The following SLC9A9 variants were observed in gnomAD, a reference collection of about 807,000 sequenced individuals.
SLC9A9 encodes the protein solute carrier family 9 member A9.
Under a neutral mutation model 77.8 loss-of-function variants are expected in SLC9A9, and 62 were observed. That is an observed-to-expected ratio of 0.80 (90% confidence interval 0.65 to 0.98). The LOEUF (loss-of-function observed/expected upper bound fraction) is 0.98. SLC9A9 is among the 50% of genes least tolerant of loss of function. The pLI, the probability that SLC9A9 is intolerant of heterozygous loss-of-function variation, is 0.00. For missense variants in SLC9A9, 775 were observed against 774.9 expected, an observed-to-expected ratio of 1.00 and a Z score of 0.00; for synonymous variants, 320 against 283.5, an observed-to-expected ratio of 1.13 and a Z score of -1.29.
intron 5 of SLC9A9, among the ~76,000 whole-genome samples, chr3:143,675,667 CT>C (rs1424240416): frequency 6.6e-6 from 1 of 152,074 alleles, no homozygotes; most frequent in Non-Finnish European, 1.5e-5. Flanking sequence ...GAAGATTTTC[CT>C]TTAAGATTTT....
chr3:143,789,200 T>G (rs1232037234), intron 4 of SLC9A9, among the ~76,000 whole-genome samples: 1 of 152,182 alleles, frequency 6.6e-6, no homozygotes, highest in East Asian at 1.9e-4. Context: ...AATCATAGCA[T>G]GCATATCTCC....
chr3:143,778,435 C>T (rs966372503), intron 4 of SLC9A9, among the ~76,000 whole-genome samples: 5 of 152,142 alleles, frequency 3.3e-5, no homozygotes, highest in South Asian at 4.1e-4. Flanking sequence ...AAACAAATAT[C>T]GCACAGCAAT....
At chr3:143,815,963 G>A (rs904975465) in intron 2 of SLC9A9, among the ~76,000 whole-genome samples, 6 of 152,186 alleles carry the variant, frequency 3.9e-5, no homozygotes, top group African/African-American at 2.4e-5. Context: ...GGTCAAATTT[G>A]TTCAGAGGCA....
chr3:143,348,558 T>A (rs544775539), intron 14 of SLC9A9, among the ~76,000 whole-genome samples: 1 of 152,316 alleles, frequency 6.6e-6, no homozygotes, highest in East Asian at 1.9e-4. Flanking sequence ...GGGCTAGGCA[T>A]CTCTTTTTTT....
intron 14 of SLC9A9, among the ~76,000 whole-genome samples, chr3:143,319,179 T>C (rs2031327192): frequency 6.6e-6 from 1 of 152,200 alleles, no homozygotes; most frequent in East Asian, 1.9e-4. Flanking sequence ...ACCAGGTCCC[T>C]GGTACCTGAT....
intron 2 of SLC9A9, among the ~76,000 whole-genome samples, chr3:143,797,550 T>C (rs1318465327): frequency 6.6e-6 from 1 of 151,790 alleles, no homozygotes; most frequent in Non-Finnish European, 1.5e-5. Flanking sequence ...AAATGGCCGG[T>C]TCCTGCCTTA....
chr3:143,418,469 G>T (rs953067848), intron 12 of SLC9A9, among the ~76,000 whole-genome samples: 3 of 152,098 alleles, frequency 2.0e-5, no homozygotes, highest in African/African-American at 4.8e-5. Context: ...GCCTTTAAAA[G>T]AAATTACTTC....
intron 6 of SLC9A9, among the ~76,000 whole-genome samples, chr3:143,642,970 AT>A (rs2038647231): frequency 2.0e-5 from 3 of 151,532 alleles, no homozygotes. Context: ...TCTTTCTCAT[AT>A]TTTTGTAATT....
At chr3:143,421,197 G>A (rs2034291073) in intron 12 of SLC9A9, among the ~76,000 whole-genome samples, 1 of 152,078 alleles carries the variant, frequency 6.6e-6, no homozygotes, top group African/African-American at 2.4e-5. Flanking sequence ...AATGGCCAAA[G>A]CAATCTACAG....
chr3:143,847,907 C>G (rs1049447401), intron 1 of SLC9A9: 1 of 561,816 alleles, frequency 1.8e-6, no homozygotes, highest in Non-Finnish European at 3.2e-6. Context: ...CATCTGTCAA[C>G]AGACTTGCAT....
At chr3:143,394,631 G>C (rs1282963860) in intron 12 of SLC9A9, among the ~76,000 whole-genome samples, 1 of 152,144 alleles carries the variant, frequency 6.6e-6, no homozygotes, top group African/African-American at 2.4e-5. Flanking sequence ...GAAATAAAGG[G>C]TATTCAATTA....
chr3:143,574,267 T>G, intron 7 of SLC9A9, 74 bp from the exon 8 acceptor site: 3 of 1,192,008 alleles, frequency 2.5e-6, no homozygotes, highest in Non-Finnish European at 3.7e-6. Context: ...GAATAAAAAC[T>G]GATCTGGTGA....
At position 143,471,317 on chromosome 3, in the gene SLC9A9, T is replaced by C. The variant is rs77382059; in HGVS notation, c.1316-4127A>G. Among the ~76,000 whole-genome samples, 780 of 152,326 alleles carry C rather than the reference T, an allele frequency of 5.1e-3. 7 individuals carry two copies. The highest frequency in any genetic ancestry group is 0.017 in the African/African-American group (718 of 41,562). On this transcript the variant is annotated intron_variant, in intron 11 of 15. Transcript: ENST00000316549. The stretch of plus-strand genomic sequence containing the variant: ...AGTTGCTTATCATACATTTGGAGCC[T>C]AGATAAATGTGAAACCAATGCTTCA...
At position 143,464,272 on chromosome 3, in the gene SLC9A9, C is replaced by A. The variant is rs147193673; in HGVS notation, c.1469+2765G>T. Among the ~76,000 whole-genome samples, 24 of 152,222 alleles carry A rather than the reference C, an allele frequency of 1.6e-4. No individual in the cohort carries two copies. The East Asian group carries it at 4.4e-3, about 28-fold the overall frequency. On this transcript the variant is annotated intron_variant, in intron 12 of 15. Coordinates refer to ENST00000316549, the MANE Select transcript of SLC9A9 (RefSeq NM_173653.4). ...AACGAGATATAGCTCTGTAAACAAG[C>A]AAAGCCTTGCTAAATAGAGTCTAAA... is the stretch of plus-strand genomic sequence containing the variant.
chr3:143,779,146 T>C (rs1476819017), intron 4 of SLC9A9, among the ~76,000 whole-genome samples: 2 of 152,202 alleles, frequency 1.3e-5, no homozygotes, highest in African/African-American at 2.4e-5. Flanking sequence ...TATATTATAC[T>C]GTTATTATTT....
chr3:143,359,739 G>A (rs1008884850), intron 14 of SLC9A9, among the ~76,000 whole-genome samples: 1 of 152,182 alleles, frequency 6.6e-6, no homozygotes, highest in Non-Finnish European at 1.5e-5. Context: ...TGTCTGGTTT[G>A]TACTTCTGCC....
At chr3:143,617,421 C>T (rs1394708608) in intron 6 of SLC9A9, among the ~76,000 whole-genome samples, 3 of 152,166 alleles carry the variant, frequency 2.0e-5, no homozygotes, top group South Asian at 4.1e-4. Flanking sequence ...ATTGACTGAA[C>T]CCTGGATTAG....
intron 11 of SLC9A9, among the ~76,000 whole-genome samples, chr3:143,486,132 C>A (rs147068826): frequency 6.6e-6 from 1 of 151,910 alleles, no homozygotes; most frequent in Non-Finnish European, 1.5e-5. Context: ...ATAGTCAAAA[C>A]GCTAAAAGAA....
intron 5 of SLC9A9, among the ~76,000 whole-genome samples, chr3:143,689,212 T>G (rs1189853179): frequency 6.6e-6 from 1 of 152,020 alleles, no homozygotes; most frequent in Non-Finnish European, 1.5e-5. Flanking sequence ...CTAGGAAAAT[T>G]ACAAATACAT....
Sources: allele counts gnomAD v4.1 joint callset (sites outside exome capture counted in the v4.1 genomes callset), GRCh38; gene constraint gnomAD v4.1.1; transcripts MANE v1.5; gene names NCBI Gene and HGNC (gene_info 2026-07-23, HGNC 2026-07-21).